The following NFYA variants were observed in gnomAD, a reference collection of about 807,000 sequenced individuals.
NFYA encodes nuclear transcription factor Y subunit alpha.
NFYA carries 28 observed loss-of-function variants against 52.8 expected under a neutral mutation model. That is an observed-to-expected ratio of 0.53 (90% CI 0.39 to 0.73). The LOEUF is 0.73. Among genes scored for constraint, NFYA ranks in the 30% least tolerant of loss-of-function variants. NFYA has a pLI of 0.00. For missense variants in NFYA, 234 were observed against 427.0 expected, an observed-to-expected ratio of 0.55 and a Z score of 3.98; for synonymous variants, 150 against 150.7, an observed-to-expected ratio of 1.00 and a Z score of 0.03.
chr6:41,090,085 A>T, intron 5 of NFYA, 119 bp from the exon 6 acceptor site: 1 of 663,374 alleles, frequency 1.5e-6, no homozygotes, highest in Non-Finnish European at 2.6e-6. Flanking sequence ...ACTGCACTCC[A>T]GCCTGGCGAC....
At position 41,084,201 on chromosome 6, in the gene NFYA, T is replaced by C. The variant is rs781358022; in HGVS notation, c.309+9T>C. The C allele has an allele frequency of 1.2e-6, 2 of 1,613,258 alleles. No homozygotes were observed. Among genetic ancestry groups the C allele is most frequent in the South Asian group, 2.2e-5 (2 of 90,882 alleles). Reference sequence around the variant, plus strand: ...CACAGGGTTTGCAGCAAGTGAGTAATATTTAAAAATATTGAGCAGTATATC... The same window carrying C: ...CACAGGGTTTGCAGCAAGTGAGTAACATTTAAAAATATTGAGCAGTATATC... On this transcript the variant is annotated intron_variant, in intron 4 of 9. Transcript: ENST00000341376.
At chr6:41,091,240 G>A (rs1764190945) in intron 6 of NFYA, among the ~76,000 whole-genome samples, 2 of 152,220 alleles carry the variant, frequency 1.3e-5, no homozygotes, top group Admixed American at 6.5e-5. Flanking sequence ...TAGTCAGACT[G>A]ACCTGTAGAA....
intron 4 of NFYA, among the ~76,000 whole-genome samples, chr6:41,089,054 C>T (rs978597275): frequency 3.3e-5 from 5 of 151,944 alleles, no homozygotes; most frequent in East Asian, 1.9e-4. Flanking sequence ...GGCGTGATCT[C>T]GGCTCACTGC....
At chr6:41,074,507 G>T (rs766275492) in intron 1 of NFYA, among the ~76,000 whole-genome samples, 1 of 152,210 alleles carries the variant, frequency 6.6e-6, no homozygotes, top group African/African-American at 2.4e-5. Context: ...TATCACCACC[G>T]CACTTTTGAC....
In NFYA at chr6:41,098,947, C is replaced by T. The variant is rs528328827; in HGVS notation, c.*1537C>T. On this transcript the variant is annotated 3_prime_UTR_variant, in exon 10 of 10. Transcript: ENST00000341376. ...GGAAACAAGGAAAACCCAATAATTCCGAGGAACATTGGGGGTTAAATACCA... is the reference window on the plus strand; with the variant it reads ...GGAAACAAGGAAAACCCAATAATTCTGAGGAACATTGGGGGTTAAATACCA... 11 of 152,274 alleles carry T rather than the reference C, an allele frequency of 7.2e-5. No individual in the cohort carries two copies. The highest frequency in any genetic ancestry group is 2.1e-4 in the South Asian group (1 of 4,826). 9.4% of individuals were successfully genotyped at this position (152,274 alleles called of 1,614,324 possible). A position where few individuals can be genotyped will look rare whatever the true frequency, so the allele number is the denominator to read the frequency against.
intron 2 of NFYA, 144 bp from the exon 3 acceptor site, chr6:41,080,667 A>G: frequency 3.4e-6 from 2 of 586,008 alleles, no homozygotes; most frequent in Non-Finnish European, 6.0e-6. Flanking sequence ...ACCTTCAACA[A>G]AACAGCTTCA....
chr6:41,084,303 C>A, intron 4 of NFYA, 111 bp downstream of exon 4: 2 of 1,256,422 alleles, frequency 1.6e-6, no homozygotes, highest in Non-Finnish European at 2.2e-6. Context: ...TCCTAACCCA[C>A]ATTTTGCATT....
At chr6:41,073,707 G>T (rs1763623212) in intron 1 of NFYA, among the ~76,000 whole-genome samples, 1 of 152,064 alleles carries the variant, frequency 6.6e-6, no homozygotes, top group Non-Finnish European at 1.5e-5. Context: ...ACGCCTCGGA[G>T]CCCTATGGGC....
chr6:41,089,803 A>G, intron 5 of NFYA, 93 bp downstream of exon 5: 1 of 1,491,168 alleles, frequency 6.7e-7, no homozygotes, highest in Non-Finnish European at 9.0e-7. Flanking sequence ...TGTATAGTAG[A>G]AAAGGGGATG....
intron 1 of NFYA, among the ~76,000 whole-genome samples, chr6:41,076,010 T>A (rs540866205): frequency 3.5e-4 from 54 of 152,320 alleles, no homozygotes; most frequent in Middle Eastern, 3.4e-3. Context: ...TGGACAGCCC[T>A]TTGTTGTAGT....
intron 2 of NFYA, among the ~76,000 whole-genome samples, chr6:41,079,916 G>A (rs568085501): frequency 4.6e-5 from 7 of 152,084 alleles, no homozygotes; most frequent in East Asian, 1.9e-4. Flanking sequence ...AGTTTTTCCC[G>A]TCTAATGATC....
rs1051234119 is a variant in NFYA, at chr6:41,094,267, A to G, written c.889-129A>G. On this transcript the variant is annotated intron_variant, in intron 8 of 9. Transcript: ENST00000341376. The stretch of plus-strand genomic sequence containing the variant: ...TCTCCAAAGCTTCCATCGTCATTCT[A>G]AGTCATAATTGTCCCTTGTGACTTT... The G allele has an allele frequency of 5.9e-5, 41 of 699,484 alleles. No homozygotes were observed. The East Asian group carries it at 9.5e-4, about 16-fold the overall frequency. The allele number at this position is 699,484 out of a possible 1,614,324, so 43.3% of individuals were successfully genotyped here.
At chr6:41,089,790 G>A (rs750521610) in intron 5 of NFYA, 80 bp downstream of exon 5, 84 of 1,538,080 alleles carry the variant, frequency 5.5e-5, no homozygotes, top group Non-Finnish European at 7.3e-5. Context: ...TTCATGTATA[G>A]CATGTATAGT....
chr6:41,084,893 G>A (rs937634584), intron 4 of NFYA, among the ~76,000 whole-genome samples: 4 of 152,150 alleles, frequency 2.6e-5, no homozygotes, highest in South Asian at 2.1e-4. Context: ...CCCAGGAGGC[G>A]GAGGTTGCAG....
In NFYA at chr6:41,097,710, T is replaced by TA; in HGVS notation, c.*301dup. 1 of 270,844 alleles carries TA rather than the reference T, an allele frequency of 3.7e-6. No homozygotes were observed. The highest frequency in any genetic ancestry group is 2.2e-5 in the African/African-American group (1 of 45,594). 16.8% of individuals were successfully genotyped at this position (270,844 alleles called of 1,614,324 possible). Reference sequence around the variant, plus strand: ...CCACCCCAGCAGTACACAAAGCACTTACCTTGACTGGTGAAGTCAGCCAGC... The same window carrying TA: ...CCACCCCAGCAGTACACAAAGCACTTAACCTTGACTGGTGAAGTCAGCCAGC... On this transcript the variant is annotated 3_prime_UTR_variant, in exon 10 of 10. Transcript: ENST00000341376.
chr6:41,092,781 A>G (rs1764229803), intron 7 of NFYA, 131 bp from the exon 8 acceptor site: 2 of 820,772 alleles, frequency 2.4e-6, no homozygotes, highest in Middle Eastern at 7.5e-4. Flanking sequence ...AGGGATCCGC[A>G]TTTACCCAAG....
chr6:41,094,382 A>G lies in NFYA; in HGVS notation c.889-14A>G. The G allele has an allele frequency of 6.2e-7, 1 of 1,612,524 alleles. No homozygotes were observed. Among genetic ancestry groups the G allele is most frequent in the Non-Finnish European group, 8.5e-7 (1 of 1,178,580 alleles). On this transcript the variant is annotated splice_polypyrimidine_tract_variant and intron_variant, in intron 8 of 9. Transcript: ENST00000341376. ...ATAGTATTAATAGTTAAATGGTTTT[A>G]TTTCTCGTTTTAGAAATACCTGCAT...
chr6:41,083,687 C>G (rs543481762), intron 3 of NFYA, among the ~76,000 whole-genome samples: 1 of 152,196 alleles, frequency 6.6e-6, no homozygotes, highest in Admixed American at 6.5e-5. Context: ...TTCTCTCCAG[C>G]CTTCACTACA....
rs1561859249 is a variant in NFYA at position 41,100,564 on chromosome 6, ACT to A, written c.*3158_*3159del. Among the ~76,000 whole-genome samples the A allele has an allele frequency of 3.3e-5, 5 of 152,072 alleles. No individual in the cohort carries two copies. The highest frequency in any genetic ancestry group is 9.7e-5 in the African/African-American group (4 of 41,392). On this transcript the variant is annotated 3_prime_UTR_variant, in exon 10 of 10. Coordinates refer to ENST00000341376, the MANE Select transcript of NFYA (RefSeq NM_002505.5). ...TGCCCTGGCAGATGAGAGAGGAGAA[ACT>A]CTCCACAATGAAGGAAAAGCACTGA...
Sources: allele counts gnomAD v4.1 joint callset (sites outside exome capture counted in the v4.1 genomes callset), GRCh38; gene constraint gnomAD v4.1.1; transcripts MANE v1.5; gene names NCBI Gene and HGNC (gene_info 2026-07-23, HGNC 2026-07-21).